SDHAF3: variants seen among roughly 807,000 people sequenced by gnomAD.
SDHAF3 encodes succinate dehydrogenase complex assembly factor 3, also known as succinate dehydrogenase assembly factor 3, mitochondrial.
Under a neutral mutation model 11.5 loss-of-function variants are expected in SDHAF3, and 18 were observed. That is an observed-to-expected ratio of 1.56 (90% CI 1.08 to 2.32). SDHAF3 has a LOEUF of 2.32. SDHAF3 is among the 30% of genes most tolerant of loss of function. The pLI is 0.00. For synonymous variants in SDHAF3, 72 were observed against 59.3 expected (o/e 1.21, Z -0.99); for missense variants, 200 against 154.4 (o/e 1.30, Z -1.57).
chr7:97,139,101 C>G (rs11984263), intron 1 of SDHAF3, among the ~76,000 whole-genome samples: 3 of 152,270 alleles, frequency 2.0e-5, no homozygotes, highest in African/African-American at 4.8e-5. Flanking sequence ...GGGCGCTGCC[C>G]GGTGCCGGCA....
chr7:97,153,636 A>G (rs1181351530), intron 1 of SDHAF3, among the ~76,000 whole-genome samples: 1 of 152,256 alleles, frequency 6.6e-6, no homozygotes, highest in East Asian at 1.9e-4. Context: ...GTGTCTTCCA[A>G]AGTGGCTGTA....
intron 1 of SDHAF3, among the ~76,000 whole-genome samples, chr7:97,145,740 G>T (rs1049045578): frequency 1.3e-5 from 2 of 152,112 alleles, no homozygotes; most frequent in African/African-American, 4.8e-5. Context: ...TCGCTGTCAA[G>T]TGTTCTCTTA....
At chr7:97,147,920 T>G (rs1315553252) in intron 1 of SDHAF3, among the ~76,000 whole-genome samples, 3 of 152,126 alleles carry the variant, frequency 2.0e-5, no homozygotes, top group Non-Finnish European at 4.4e-5. Context: ...TTATTTTTAT[T>G]TTTATGTTTT....
chr7:97,131,280 T>C (rs1346509424), intron 1 of SDHAF3, among the ~76,000 whole-genome samples: 2 of 152,264 alleles, frequency 1.3e-5, no homozygotes, highest in East Asian at 3.8e-4. Flanking sequence ...GGAAAAGATA[T>C]CTTCTTAATC....
At chr7:97,151,941 G>T (rs911491210) in intron 1 of SDHAF3, among the ~76,000 whole-genome samples, 5 of 152,082 alleles carry the variant, frequency 3.3e-5, no homozygotes. Flanking sequence ...TTACTTTGGG[G>T]TATCATTTTC....
At position 97,130,289 on chromosome 7, in the gene SDHAF3, C is replaced by G. The variant is rs1483907417; in HGVS notation, c.174+12392C>G. On this transcript the variant is annotated intron_variant, in intron 1 of 1. Coordinates refer to ENST00000432641, the MANE Select transcript of SDHAF3 (RefSeq NM_020186.3). ...CCAGTCTAAAAAAAAAAAAAAAAAC[C>G]TTGATGTAGAAAACATATATGTGTG... Among the ~76,000 whole-genome samples the G allele has an allele frequency of 2.0e-5, 3 of 150,660 alleles. No homozygotes were observed. In the East Asian group the frequency reaches 5.9e-4, roughly 30 times the overall value.
At chr7:97,123,820 A>T (rs1460316724) in intron 1 of SDHAF3, among the ~76,000 whole-genome samples, 2 of 142,022 alleles carry the variant, frequency 1.4e-5, no homozygotes, top group Non-Finnish European at 3.1e-5. Flanking sequence ...GTGTGTTCAT[A>T]TCCTTCGCCC....
At chr7:97,160,025 T>C (rs886289555) in intron 1 of SDHAF3, among the ~76,000 whole-genome samples, 1 of 152,198 alleles carries the variant, frequency 6.6e-6, no homozygotes, top group African/African-American at 2.4e-5. Flanking sequence ...AATAGGCCAA[T>C]GGCCACCCTT....
intron 1 of SDHAF3, among the ~76,000 whole-genome samples, chr7:97,132,878 G>T (rs1791691786): frequency 6.6e-6 from 1 of 152,178 alleles, no homozygotes; most frequent in Non-Finnish European, 1.5e-5. Context: ...ATAGTCTGGA[G>T]TTGGACTTTA....
At chr7:97,162,212 G>A (rs1213984041) in intron 1 of SDHAF3, among the ~76,000 whole-genome samples, 1 of 151,974 alleles carries the variant, frequency 6.6e-6, no homozygotes, top group East Asian at 1.9e-4. Flanking sequence ...TCATATGTTG[G>A]CCGCATAAAT....
At chr7:97,160,046 G>T (rs899624239) in intron 1 of SDHAF3, among the ~76,000 whole-genome samples, 1 of 152,128 alleles carries the variant, frequency 6.6e-6, no homozygotes, top group Admixed American at 6.5e-5. Flanking sequence ...CGTCTGGGAG[G>T]TGAGGAGCGC....
At chr7:97,135,982 C>A (rs190265446) in intron 1 of SDHAF3, among the ~76,000 whole-genome samples, 1 of 151,672 alleles carries the variant, frequency 6.6e-6, no homozygotes, top group African/African-American at 2.4e-5. Flanking sequence ...CCACCATGCC[C>A]GGGCTAGTCC....
At position 97,117,731 on chromosome 7, in the gene SDHAF3, G is replaced by A. The variant is rs569982446; in HGVS notation, c.8G>A (p.Gly3Glu). 35 of 1,612,774 alleles carry A rather than the reference G, an allele frequency of 2.2e-5. No individual in the cohort carries two copies. Among genetic ancestry groups the A allele is most frequent in the Non-Finnish European group, 2.7e-5 (32 of 1,179,454 alleles). MP[G>E]RHVSRVRALY... ...CGGTCGGCGTGGGGCGCTATGCCGGGGCGGCACGTTTCTCGAGTCCGGGCA... is the reference window on the plus strand; with the variant it reads ...CGGTCGGCGTGGGGCGCTATGCCGGAGCGGCACGTTTCTCGAGTCCGGGCA... Residue 3 changes from glycine (G) to glutamate (E), a missense_variant, in exon 1 of 2, where the codon GGG (glycine) becomes GAG (glutamate). Coordinates refer to ENST00000432641, the MANE Select transcript of SDHAF3 (RefSeq NM_020186.3).
chr7:97,177,067 A>T (rs923601465), intron 1 of SDHAF3, among the ~76,000 whole-genome samples: 2 of 152,076 alleles, frequency 1.3e-5, no homozygotes, highest in African/African-American at 4.8e-5. Context: ...TTAAACTTTT[A>T]AAAAAGATTT....
intron 1 of SDHAF3, among the ~76,000 whole-genome samples, chr7:97,132,419 A>T (rs569154009): frequency 6.6e-6 from 1 of 152,298 alleles, no homozygotes; most frequent in South Asian, 2.1e-4. Flanking sequence ...TTTGGAGTCT[A>T]TAGGGCTCTA....
intron 1 of SDHAF3, 58 bp from the exon 2 acceptor site, chr7:97,180,954 C>T: frequency 6.9e-7 from 1 of 1,439,426 alleles, no homozygotes; most frequent in Non-Finnish European, 9.4e-7. Flanking sequence ...TTCAAGTCCT[C>T]TAATGTTAAA....
chr7:97,140,094 T>C (rs184117207), intron 1 of SDHAF3, among the ~76,000 whole-genome samples: 93 of 152,302 alleles, frequency 6.1e-4, no homozygotes, highest in Non-Finnish European at 1.0e-3. Context: ...CAATGTTCTT[T>C]GTCATGAATT....
intron 1 of SDHAF3, among the ~76,000 whole-genome samples, chr7:97,139,625 G>C (rs1369218828): frequency 6.6e-6 from 1 of 152,230 alleles, no homozygotes; most frequent in African/African-American, 2.4e-5. Context: ...TTGAAATTGA[G>C]GTTTCACTGT....
At chr7:97,121,083 GA>G (rs1791484599) in intron 1 of SDHAF3, among the ~76,000 whole-genome samples, 1 of 152,176 alleles carries the variant, frequency 6.6e-6, no homozygotes, top group African/African-American at 2.4e-5. Context: ...TCTATGAAGG[GA>G]GAATGTACGA....
Sources: allele counts gnomAD v4.1 joint callset (sites outside exome capture counted in the v4.1 genomes callset), GRCh38; gene constraint gnomAD v4.1.1; transcripts MANE v1.5; gene names NCBI Gene and HGNC (gene_info 2026-07-23, HGNC 2026-07-21).